Variants in ITPKB observed in about 807,000 individuals in gnomAD.
ITPKB encodes the protein inositol-trisphosphate 3-kinase B, also known as IP3 3-kinase B.
A neutral mutation model predicts 69.4 loss-of-function variants in ITPKB; 13 were observed. That is an observed-to-expected ratio of 0.19 (90% CI 0.12 to 0.30). The LOEUF is 0.30. Among genes scored for constraint, ITPKB ranks in the 10% least tolerant of loss-of-function variants. The pLI is 1.00. For missense variants in ITPKB, 1,240 were observed against 1,250.5 expected (o/e 0.99, Z 0.13); for synonymous variants, 584 against 513.7 (o/e 1.14, Z -1.85).
chr1:226,686,993 A>G (rs972429258), intron 2 of ITPKB, among the ~76,000 whole-genome samples: 2 of 152,250 alleles, frequency 1.3e-5, no homozygotes, highest in African/African-American at 4.8e-5. Context: ...CTGGGATGCT[A>G]TAATCTGGAA....
At position 226,736,661 on chromosome 1, in the gene ITPKB, G is replaced by T; in HGVS notation, c.798C>A (p.Arg266=). The T allele has an allele frequency of 1.2e-6, 2 of 1,613,404 alleles. No homozygotes were observed. Among genetic ancestry groups the T allele is most frequent in the Non-Finnish European group, 1.7e-6 (2 of 1,179,982 alleles). Residue 266 remains arginine (R), a synonymous_variant, in exon 2 of 8, where the codon CGC becomes CGA. Transcript: ENST00000429204. ...RMEKGIPASP[R]CGSPTAMEID... ...TTTCCATAGCTGTGGGTGAGCCACA[G>T]CGGGGACTGGCAGGGATACCCTTCT... is the stretch of plus-strand genomic sequence containing the variant.
chr1:226,737,045 C>T lies in ITPKB; in HGVS notation c.414G>A (p.Leu138=). Residue 138 remains leucine (L), a synonymous_variant, in exon 2 of 8, where the codon TTG becomes TTA. Transcript: ENST00000429204. ...CTTTCTGGTTCACCTGCACGTTCTG[C>T]AACTCGCGCTGCAAGATCCGCAGCT... ...KRKLRILQRE[L]QNVQVNQKVG... The T allele has an allele frequency of 6.2e-7, 1 of 1,612,274 alleles. No homozygotes were observed. The highest frequency in any genetic ancestry group is 8.5e-7 in the Non-Finnish European group (1 of 1,179,944).
At chr1:226,678,799 G>A (rs1008265778) in intron 2 of ITPKB, among the ~76,000 whole-genome samples, 1 of 152,204 alleles carries the variant, frequency 6.6e-6, no homozygotes, top group African/African-American at 2.4e-5. Flanking sequence ...ATTCTAGGCC[G>A]CTCTCTGCTG....
At chr1:226,684,241 A>T (rs1656150138) in intron 2 of ITPKB, among the ~76,000 whole-genome samples, 1 of 152,230 alleles carries the variant, frequency 6.6e-6, no homozygotes, top group Admixed American at 6.5e-5. Context: ...AAGCAAGTGT[A>T]GAATCACCCC....
At chr1:226,723,465 A>G (rs544595037) in intron 2 of ITPKB, among the ~76,000 whole-genome samples, 3 of 152,138 alleles carry the variant, frequency 2.0e-5, no homozygotes, top group Admixed American at 1.3e-4. Context: ...CAGATGCGGC[A>G]CAGAGAAGAG....
chr1:226,706,418 T>G (rs1422676021), intron 2 of ITPKB, among the ~76,000 whole-genome samples: 1 of 152,174 alleles, frequency 6.6e-6, no homozygotes, highest in Non-Finnish European at 1.5e-5. Flanking sequence ...TGAGAGGGAC[T>G]TCAGAGATCA....
At chr1:226,649,480 ATG>A (rs1373658699) in intron 2 of ITPKB, among the ~76,000 whole-genome samples, 2 of 145,578 alleles carry the variant, frequency 1.4e-5, no homozygotes, top group East Asian at 2.0e-4. Flanking sequence ...GTATGTGCAT[ATG>A]TGTGCATCAG....
intron 2 of ITPKB, among the ~76,000 whole-genome samples, chr1:226,660,599 G>A (rs1184041601): frequency 1.3e-5 from 2 of 152,202 alleles, no homozygotes; most frequent in Non-Finnish European, 2.9e-5. Flanking sequence ...AGAGAGGCGA[G>A]AGAGGAAGAA....
Position 226,739,254 on chromosome 1 carries a change from C to A in ITPKB, c.-419G>T, listed in dbSNP as rs1403753249. On this transcript the variant is annotated 5_prime_UTR_variant, in exon 1 of 8. Transcript: ENST00000429204. ...GTGGCGACGCCAAGCCGGCCCTGCA[C>A]GCCCTTTTCGACCGTGGAGATACTG... 6.6e-6 allele frequency: 1 copy of A among 151,522 alleles called. No individual in the cohort carries two copies. The highest frequency in any genetic ancestry group is 2.4e-5 in the African/African-American group (1 of 41,154). The allele number at this position is 151,522 out of a possible 1,614,324, so 9.4% of individuals were successfully genotyped here.
intron 2 of ITPKB, among the ~76,000 whole-genome samples, chr1:226,700,465 C>CAAAAAAAAA (rs58320585): frequency 1.9e-5 from 1 of 53,942 alleles, no homozygotes; most frequent in African/African-American, 8.6e-5. Context: ...AAGACTCCGT[C>CAAAAAAAAA]AAAAAAAAAA....
chr1:226,707,906 C>T, intron 2 of ITPKB: 2 of 1,333,392 alleles, frequency 1.5e-6, no homozygotes, highest in Non-Finnish European at 2.0e-6. Context: ...GAACACTTCC[C>T]AAGAAGTCAC....
intron 2 of ITPKB, among the ~76,000 whole-genome samples, chr1:226,686,871 G>A (rs550923181): frequency 6.6e-6 from 1 of 152,248 alleles, no homozygotes; most frequent in Non-Finnish European, 1.5e-5. Flanking sequence ...GCAATGGGAG[G>A]GGACAGAGCA....
chr1:226,692,332 CCCAACCCAA>C (rs1656377480), intron 2 of ITPKB, among the ~76,000 whole-genome samples: 1 of 152,092 alleles, frequency 6.6e-6, no homozygotes, highest in Non-Finnish European at 1.5e-5. Flanking sequence ...TAGGCCCTAG[CCCAACCCAA>C]CTTTCCATTT....
intron 2 of ITPKB, among the ~76,000 whole-genome samples, chr1:226,696,010 C>A (rs1656475831): frequency 6.6e-6 from 1 of 152,184 alleles, no homozygotes. Flanking sequence ...TATTCACTTA[C>A]ATGCTATGCT....
chr1:226,673,243 G>A (rs12097197), intron 2 of ITPKB, among the ~76,000 whole-genome samples: 34,059 of 151,890 alleles, frequency 0.22, 4,015 homozygotes, highest in Middle Eastern at 0.33. Flanking sequence ...GTGTGGTGGC[G>A]CGCACCTGTG....
intron 2 of ITPKB, among the ~76,000 whole-genome samples, chr1:226,655,625 T>G (rs1669273629): frequency 6.6e-6 from 1 of 152,230 alleles, no homozygotes; most frequent in Non-Finnish European, 1.5e-5. Flanking sequence ...CCTGCAGTGC[T>G]GTCTGAGCCA....
chr1:226,722,701 C>T (rs1657278412), intron 2 of ITPKB, among the ~76,000 whole-genome samples: 1 of 152,214 alleles, frequency 6.6e-6, no homozygotes, highest in African/African-American at 2.4e-5. Flanking sequence ...TCCCAGACAT[C>T]AGTCCCTTCA....
intron 5 of ITPKB, among the ~76,000 whole-genome samples, chr1:226,640,681 G>A (rs1368832177): frequency 6.6e-6 from 1 of 152,114 alleles, no homozygotes. Context: ...AATAAAGAAA[G>A]GAAAGCGAGC....
chr1:226,648,852 C>A (rs1571838780), intron 2 of ITPKB, 81 bp from the exon 3 acceptor site: 2 of 988,556 alleles, frequency 2.0e-6, no homozygotes, highest in Middle Eastern at 2.1e-4. Context: ...AGCAAAGGCC[C>A]TCATTGCCTG....
Sources: allele counts gnomAD v4.1 joint callset (sites outside exome capture counted in the v4.1 genomes callset), GRCh38; gene constraint gnomAD v4.1.1; transcripts MANE v1.5; gene names NCBI Gene and HGNC (gene_info 2026-07-23, HGNC 2026-07-21).